UGT1A3: variants seen among roughly 807,000 people sequenced by gnomAD.
UGT1A3 encodes the protein UDP glucuronosyltransferase family 1 member A3.
A neutral mutation model predicts 41.0 loss-of-function variants in UGT1A3; 31 were observed. The observed-to-expected ratio is 0.76, with a 90% confidence interval of 0.57 to 1.02. UGT1A3 has a LOEUF of 1.02. Ranked by LOEUF, UGT1A3 falls within the 50% of genes least tolerant of loss-of-function variation. The pLI is 0.00. For missense variants in UGT1A3, 737 were observed against 671.0 expected, an observed-to-expected ratio of 1.10 and a Z score of -1.09; for synonymous variants, 262 against 257.6, an observed-to-expected ratio of 1.02 and a Z score of -0.17.
chr2:233,765,890 G>A lies in UGT1A3; in HGVS notation c.868-1144G>A, dbSNP rs114846960. ...CGGGAGGGGCTCACTTTCTCAGTGC[G>A]CCACTGCTCAAACCTCTAGGGGAGC... On this transcript the variant is annotated intron_variant, in intron 1 of 4. Coordinates refer to ENST00000482026, the MANE Select transcript of UGT1A3 (RefSeq NM_019093.4). Among the ~76,000 whole-genome samples, 153 of 152,130 alleles carry A rather than the reference G, an allele frequency of 1.0e-3. 1 individual carries two copies. The highest frequency in any genetic ancestry group is 3.4e-3 in the African/African-American group (143 of 41,508).
In UGT1A3 at chr2:233,769,480, C is replaced by T. The variant is rs1027796566; in HGVS notation, c.1307+1041C>T. 1.4e-5 allele frequency: 23 copies of T among 1,596,558 alleles called. No homozygotes were observed. Among genetic ancestry groups the T allele is most frequent in the African/African-American group, 1.3e-4 (10 of 74,384 alleles). ...ATTCATATGCGTGTGTGTGTGTGTGCGTGTGTTTATGAGAGTGTCCATTGC... is the reference window on the plus strand; with the variant it reads ...ATTCATATGCGTGTGTGTGTGTGTGTGTGTGTTTATGAGAGTGTCCATTGC... On this transcript the variant is annotated intron_variant, in intron 4 of 4. Coordinates refer to ENST00000482026, the MANE Select transcript of UGT1A3 (RefSeq NM_019093.4). The surrounding 1 kb of genome is among the most constrained non-coding windows in gnomAD (Gnocchi z 4.4).
intron 2 of UGT1A3, 121 bp downstream of exon 2, chr2:233,767,286 C>T (rs967346318): frequency 1.9e-6 from 3 of 1,568,700 alleles, no homozygotes; most frequent in Non-Finnish European, 2.6e-6. Flanking sequence ...CCTGCCACTT[C>T]CCAACTATTA....
chr2:233,733,052 A>G (rs1453570280), intron 1 of UGT1A3, among the ~76,000 whole-genome samples: 2 of 151,868 alleles, frequency 1.3e-5, no homozygotes, highest in African/African-American at 4.8e-5. Context: ...ATTCCTAGGT[A>G]TTTTATTCTC....
intron 1 of UGT1A3, among the ~76,000 whole-genome samples, chr2:233,730,339 G>C (rs954764150): frequency 2.0e-5 from 3 of 152,178 alleles, no homozygotes; most frequent in Non-Finnish European, 4.4e-5. Flanking sequence ...GTTTGGAACT[G>C]ATCCATCCTG....
At chr2:233,767,265 T>G in intron 2 of UGT1A3, 100 bp downstream of exon 2, 2 of 1,588,600 alleles carry the variant, frequency 1.3e-6, no homozygotes. Flanking sequence ...GAACCTTAGA[T>G]TTGGCTTTTC....
chr2:233,743,474 G>T (rs762879751), intron 1 of UGT1A3: 8 of 1,366,712 alleles, frequency 5.9e-6, no homozygotes, highest in Middle Eastern at 2.1e-4. Context: ...CCAAAAGCTG[G>T]AAATTCACTG....
intron 1 of UGT1A3, chr2:233,753,788 C>T (rs970692260): frequency 7.9e-5 from 12 of 152,166 alleles, no homozygotes; most frequent in Non-Finnish European, 1.8e-4. Context: ...CTTTACATTT[C>T]CAGGACCTAC....
At chr2:233,764,567 G>A (rs1310538826) in intron 1 of UGT1A3, among the ~76,000 whole-genome samples, 3 of 152,182 alleles carry the variant, frequency 2.0e-5, no homozygotes, top group Admixed American at 6.5e-5. Context: ...GCCTGGAGGA[G>A]AACTTAGACT....
At chr2:233,758,809 A>G (rs563319079) in intron 1 of UGT1A3, among the ~76,000 whole-genome samples, 28 of 152,366 alleles carry the variant, frequency 1.8e-4, no homozygotes, top group Non-Finnish European at 3.7e-4. Flanking sequence ...TGTATAGTAC[A>G]GCAGTATATC....
At chr2:233,755,040 C>T (rs756883955) in intron 1 of UGT1A3, 1 of 1,322,900 alleles carries the variant, frequency 7.6e-7, no homozygotes, top group South Asian at 1.1e-5. Flanking sequence ...GCCGCCTGCG[C>T]AGCCGCCCTC....
intron 1 of UGT1A3, chr2:233,755,251 C>A (rs1287732511): frequency 2.4e-6 from 2 of 830,672 alleles, no homozygotes; most frequent in Non-Finnish European, 3.6e-6. Context: ...ACTCCCAGCA[C>A]CTCGTAGTAG....
chr2:233,744,048 C>T (rs982904755), intron 1 of UGT1A3: 4 of 712,778 alleles, frequency 5.6e-6, no homozygotes, highest in Non-Finnish European at 8.0e-6. Context: ...AGCCACATCT[C>T]ATTGGTCGAG....
intron 1 of UGT1A3, among the ~76,000 whole-genome samples, chr2:233,753,860 A>G (rs1273913066): frequency 1.3e-5 from 2 of 152,194 alleles, no homozygotes; most frequent in Non-Finnish European, 2.9e-5. Flanking sequence ...CCAACCACAT[A>G]ACCCCAAGGT....
chr2:233,754,383 A>G (rs1695465574), intron 1 of UGT1A3: 2 of 292,680 alleles, frequency 6.8e-6, no homozygotes, highest in South Asian at 6.9e-5. Flanking sequence ...AAAGACAAAC[A>G]GAGGTCCTAT....
chr2:233,754,888 TC>T (rs1267337682), intron 1 of UGT1A3: 34 of 1,351,412 alleles, frequency 2.5e-5, no homozygotes, highest in Non-Finnish European at 3.4e-5. Flanking sequence ...CCCAGGGAGT[TC>T]CTCTGACCCC....
rs28900377 is a variant in UGT1A3 at position 233,743,611 on chromosome 2, C to T, written c.867+13618C>T. The T allele has an allele frequency of 3.6e-3, 4,908 of 1,367,342 alleles. 268 individuals are homozygous for T. The African/African-American group carries it at 0.064, about 18-fold the overall frequency. The allele number at this position is 1,367,342 out of a possible 1,614,324, so 84.7% of individuals were successfully genotyped here. The stretch of plus-strand genomic sequence containing the variant: ...AGAATGGGTCCTGGCCGCCGAAGAA[C>T]TCCCTGAAGACGTCGGCTGGGTCGC... On this transcript the variant is annotated intron_variant, in intron 1 of 4. Transcript: ENST00000482026.
At chr2:233,750,500 A>G (rs1694475449) in intron 1 of UGT1A3, 1 of 152,024 alleles carries the variant, frequency 6.6e-6, no homozygotes, top group South Asian at 2.1e-4. Flanking sequence ...AGGAGGAGCC[A>G]AATGTTAATT....
chr2:233,757,535 A>AATAAATATACATATACATATATAT (rs1553619837), intron 1 of UGT1A3, among the ~76,000 whole-genome samples: 10 of 88,300 alleles, frequency 1.1e-4, no homozygotes, highest in South Asian at 5.2e-4. Context: ...GCCTGTAAGG[A>AATAAATATACATATACATATATAT]ATATATATAT....
Position 233,729,174 on chromosome 2 carries a change from G to A in UGT1A3, c.48G>A (p.Leu16=). Residue 16 remains leucine, a synonymous_variant, in exon 1 of 5, where the codon CTG becomes CTA. Transcript: ENST00000482026. ...QVPLPWLATG[L]LLLLSVQPWA... ...CCCTGCCGTGGCTGGCCACAGGACT[G>A]CTGCTTCTCCTCAGTGTCCAGCCCT... 6.2e-7 allele frequency: 1 copy of A among 1,613,808 alleles called. No individual in the cohort carries two copies. The highest frequency in any genetic ancestry group is 8.5e-7 in the Non-Finnish European group (1 of 1,179,866).
Sources: allele counts gnomAD v4.1 joint callset (sites outside exome capture counted in the v4.1 genomes callset), GRCh38; gene constraint gnomAD v4.1.1; non-coding constraint Gnocchi (gnomAD v3.1); transcripts MANE v1.5; gene names NCBI Gene and HGNC (gene_info 2026-07-23, HGNC 2026-07-21).